Variants in TRHR observed in about 807,000 individuals in gnomAD.
TRHR encodes the protein thyrotropin releasing hormone receptor.
In TRHR, 14 loss-of-function variants were observed where a neutral mutation model predicts 28.0. The ratio of observed to expected loss-of-function variants is 0.50; its 90% CI spans 0.33 to 0.78. TRHR has a LOEUF of 0.78. TRHR is among the 30% of genes least tolerant of loss of function. The probability of loss-of-function intolerance (pLI) is 0.02; values close to 1 mark genes in which losing one functional copy is unlikely to be tolerated. For missense variants in TRHR, 438 were observed against 469.5 expected, an observed-to-expected ratio of 0.93 and a Z score of 0.62; for synonymous variants, 176 against 171.9, an observed-to-expected ratio of 1.02 and a Z score of -0.18.
chr8:109,117,513 G>T (rs989243738), intron 2 of TRHR, among the ~76,000 whole-genome samples: 1 of 151,796 alleles, frequency 6.6e-6, no homozygotes, highest in Admixed American at 6.6e-5. Context: ...GTATTTCAAT[G>T]TAGGATGCTT....
chr8:109,104,760 C>T (rs1439475027), intron 2 of TRHR, among the ~76,000 whole-genome samples: 1 of 151,968 alleles, frequency 6.6e-6, no homozygotes, highest in Non-Finnish European at 1.5e-5. Flanking sequence ...ACAACCCTCA[C>T]AAAACTTCCC....
At chr8:109,105,312 A>G (rs1811732912) in intron 2 of TRHR, among the ~76,000 whole-genome samples, 1 of 152,124 alleles carries the variant, frequency 6.6e-6, no homozygotes, top group Non-Finnish European at 1.5e-5. Context: ...TTTTTCCCAC[A>G]CTTGCCAATG....
intron 2 of TRHR, among the ~76,000 whole-genome samples, chr8:109,092,885 CA>C (rs1586185247): frequency 6.6e-6 from 1 of 151,676 alleles, no homozygotes; most frequent in African/African-American, 2.4e-5. Flanking sequence ...CCCCACCTCT[CA>C]AAGACCAAAA....
rs1266012861 is a variant in TRHR at position 109,120,305 on chromosome 8, TCTC to T, written c.*851_*853del. On this transcript the variant is annotated 3_prime_UTR_variant, in exon 3 of 3. Transcript: ENST00000518632. ...GTATTTATAATTAGATTTTGCTTCTTCTCTGACGCTTTTAAGCAATAAAATCTT... is the reference window on the plus strand; with the variant it reads ...GTATTTATAATTAGATTTTGCTTCTTTGACGCTTTTAAGCAATAAAATCTT... Among the ~76,000 whole-genome samples, 2 of 151,912 alleles carry T rather than the reference TCTC, an allele frequency of 1.3e-5. No homozygotes were observed. Among genetic ancestry groups the T allele is most frequent in the Admixed American group, 6.6e-5 (1 of 15,190 alleles).
At chr8:109,117,013 C>T (rs1036097724) in intron 2 of TRHR, among the ~76,000 whole-genome samples, 12 of 151,934 alleles carry the variant, frequency 7.9e-5, no homozygotes, top group African/African-American at 2.4e-4. Flanking sequence ...ACTGACATTC[C>T]GTGAAAAGAG....
At chr8:109,097,739 C>A (rs1811616094) in intron 2 of TRHR, among the ~76,000 whole-genome samples, 2 of 152,144 alleles carry the variant, frequency 1.3e-5, no homozygotes, top group Non-Finnish European at 2.9e-5. Flanking sequence ...AAAAACAAAG[C>A]CCAAGACCAC....
chr8:109,096,531 CAA>C (rs1039555698), intron 2 of TRHR, among the ~76,000 whole-genome samples: 3 of 152,112 alleles, frequency 2.0e-5, no homozygotes, highest in African/African-American at 7.2e-5. Context: ...GTAGGTTCCC[CAA>C]AGTGTACACA....
At chr8:109,108,131 G>A (rs533270806) in intron 2 of TRHR, among the ~76,000 whole-genome samples, 1 of 152,150 alleles carries the variant, frequency 6.6e-6, no homozygotes, top group Non-Finnish European at 1.5e-5. Flanking sequence ...GGAGTCCGAT[G>A]CCTCCCAGGT....
chr8:109,117,522 T>C (rs1811938602), intron 2 of TRHR, among the ~76,000 whole-genome samples: 1 of 151,782 alleles, frequency 6.6e-6, no homozygotes, highest in Non-Finnish European at 1.5e-5. Flanking sequence ...TGTAGGATGC[T>C]TTACCCCTGA....
In TRHR at chr8:109,119,364, A is replaced by T; in HGVS notation, c.1106A>T (p.Asp369Val). Residue 369 changes from aspartate (D) to valine (V), a missense_variant, in exon 3 of 3, where the codon GAT becomes GTT. Coordinates refer to ENST00000518632, the MANE Select transcript of TRHR (RefSeq NM_003301.7). ...GACCATTTCAGCACAGAGCTTGATG[A>T]TATCACTGTCACTGACACTTACCTG... is the stretch of plus-strand genomic sequence containing the variant. ...ESDHFSTELD[D>V]ITVTDTYLSA... 6.2e-7 allele frequency: 1 copy of T among 1,612,436 alleles called. No individual in the cohort carries two copies. The highest frequency in any genetic ancestry group is 8.5e-7 in the Non-Finnish European group (1 of 1,179,038).
intron 2 of TRHR, among the ~76,000 whole-genome samples, chr8:109,094,192 A>G (rs1811555334): frequency 6.6e-6 from 1 of 152,018 alleles, no homozygotes; most frequent in African/African-American, 2.4e-5. Flanking sequence ...TTAGGCCTAA[A>G]TTAGAGGTTT....
chr8:109,119,656 A>T lies in TRHR; in HGVS notation c.*201A>T, dbSNP rs1811977022. ...TTCTTACAAACTAATATCACTAAAA[A>T]TGGAGCAGATCTGTGAAATAGCTAA... On this transcript the variant is annotated 3_prime_UTR_variant, in exon 3 of 3. Transcript: ENST00000518632. 1.7e-6 allele frequency: 1 copy of T among 602,752 alleles called. No individual in the cohort carries two copies. The highest frequency in any genetic ancestry group is 2.3e-5 in the South Asian group (1 of 44,288). The allele number at this position is 602,752 out of a possible 1,614,324, so 37.3% of individuals were successfully genotyped here. A position where few individuals can be genotyped will look rare whatever the true frequency, so the allele number is the denominator to read the frequency against.
At chr8:109,094,103 CA>C (rs1339154950) in intron 2 of TRHR, among the ~76,000 whole-genome samples, 1 of 152,186 alleles carries the variant, frequency 6.6e-6, no homozygotes, top group East Asian at 1.9e-4. Flanking sequence ...CTTTACTCAA[CA>C]GACTCATTCT....
chr8:109,089,480 G>GT (rs1811492877), intron 2 of TRHR, among the ~76,000 whole-genome samples: 2 of 151,992 alleles, frequency 1.3e-5, no homozygotes, highest in Non-Finnish European at 2.9e-5. Context: ...AAATTTAAGT[G>GT]TTTTAGATAT....
At chr8:109,110,824 A>G (rs139513481) in intron 2 of TRHR, among the ~76,000 whole-genome samples, 15 of 152,262 alleles carry the variant, frequency 9.9e-5, no homozygotes, top group Admixed American at 5.2e-4. Flanking sequence ...TCACTCCATG[A>G]TATGAAGCAC....
intron 2 of TRHR, among the ~76,000 whole-genome samples, chr8:109,103,302 ACTTTAT>A (rs1235168860): frequency 6.6e-6 from 1 of 151,924 alleles, no homozygotes; most frequent in Non-Finnish European, 1.5e-5. Context: ...GGCTGTTTCC[ACTTTAT>A]CTTTAAAGAA....
chr8:109,102,064 A>C (rs1223865797), intron 2 of TRHR, among the ~76,000 whole-genome samples: 2 of 152,150 alleles, frequency 1.3e-5, no homozygotes, highest in East Asian at 3.9e-4. Context: ...TTCTGAATGC[A>C]ATTTCCATAA....
At chr8:109,118,936 C>A in intron 2 of TRHR, 112 bp from the exon 3 acceptor site, 1 of 1,349,710 alleles carries the variant, frequency 7.4e-7, no homozygotes. Context: ...CTGCACCTAA[C>A]TCCTTGTCTC....
intron 2 of TRHR, among the ~76,000 whole-genome samples, chr8:109,096,702 C>T (rs1201702680): frequency 1.3e-5 from 2 of 152,074 alleles, no homozygotes; most frequent in Non-Finnish European, 2.9e-5. Flanking sequence ...CAAGCCAGGG[C>T]CCCCTCTTTT....
Sources: gnomAD v4.1 joint callset for allele counts (sites outside exome capture counted in the v4.1 genomes callset) on GRCh38, gnomAD v4.1.1 for gene constraint, MANE v1.5 for transcripts, NCBI Gene and HGNC (gene_info 2026-07-23, HGNC 2026-07-21) for gene names.